The following BPIFC variants were observed in gnomAD, a reference collection of about 807,000 sequenced individuals.
BPIFC encodes the protein BPI fold containing family C.
A neutral mutation model predicts 57.6 loss-of-function variants in BPIFC; 60 were observed. That is an observed-to-expected ratio of 1.04 (90% CI 0.85 to 1.29). The LOEUF (loss-of-function observed/expected upper bound fraction) is 1.29. Among genes scored for constraint, BPIFC ranks in the 50% most tolerant of loss-of-function variants. The pLI, the probability that BPIFC is intolerant of heterozygous loss-of-function variation, is 0.00. For missense variants in BPIFC, 581 were observed against 600.5 expected, an observed-to-expected ratio of 0.97 and a Z score of 0.34; for synonymous variants, 243 against 224.5, an observed-to-expected ratio of 1.08 and a Z score of -0.74.
intron 2 of BPIFC, among the ~76,000 whole-genome samples, chr22:32,459,714 G>A (rs1489042095): frequency 6.6e-6 from 1 of 151,758 alleles, no homozygotes; most frequent in East Asian, 1.9e-4. Context: ...AGCTGAGGAT[G>A]GTGGTACACA....
At chr22:32,441,369 T>C (rs1445185408) in intron 8 of BPIFC, among the ~76,000 whole-genome samples, 3 of 152,184 alleles carry the variant, frequency 2.0e-5, no homozygotes, top group Non-Finnish European at 4.4e-5. Context: ...ATTTTACTTG[T>C]TTATCTTGCT....
At chr22:32,454,184 G>A (rs1412109751) in intron 3 of BPIFC, among the ~76,000 whole-genome samples, 1 of 152,084 alleles carries the variant, frequency 6.6e-6, no homozygotes, top group Non-Finnish European at 1.5e-5. Context: ...CAGACACTTC[G>A]GCTCCAGAAT....
chr22:32,453,942 C>A (rs9609558), intron 3 of BPIFC, among the ~76,000 whole-genome samples: 24,717 of 145,604 alleles, frequency 0.17, 2,094 homozygotes, highest in Non-Finnish European at 0.21. Context: ...ACAACAACAA[C>A]AAAAAAAAAA....
intron 2 of BPIFC, among the ~76,000 whole-genome samples, chr22:32,460,913 T>C (rs1935146360): frequency 6.6e-6 from 1 of 152,210 alleles, no homozygotes; most frequent in Admixed American, 6.5e-5. Flanking sequence ...TAAGTGTTGG[T>C]AGAATGAATC....
At position 32,441,947 on chromosome 22, in the gene BPIFC, G is replaced by GT. The variant is rs531478361; in HGVS notation, c.655+723dup. 1.5e-3 allele frequency among the ~76,000 whole-genome samples: 224 copies of GT among 152,262 alleles called. 1 individual carries two copies. Among genetic ancestry groups the GT allele is most frequent in the African/African-American group, 4.9e-3 (205 of 41,538 alleles). On this transcript the variant is annotated intron_variant, in intron 8 of 16. Coordinates refer to ENST00000300399, the MANE Select transcript of BPIFC (RefSeq NM_174932.3). ...CCTCGCATGCACGGTTCACAATAGG[G>GT]TTCGCACTCCTATGAGAATCTAATG... is the stretch of plus-strand genomic sequence containing the variant.
At chr22:32,458,875 T>C (rs1456179312) in intron 2 of BPIFC, among the ~76,000 whole-genome samples, 1 of 152,216 alleles carries the variant, frequency 6.6e-6, no homozygotes, top group African/African-American at 2.4e-5. Context: ...ATAAACATTC[T>C]CTGCAAAGAG....
intron 13 of BPIFC, among the ~76,000 whole-genome samples, chr22:32,425,323 T>C (rs942375636): frequency 6.6e-6 from 1 of 152,172 alleles, no homozygotes; most frequent in Admixed American, 6.5e-5. Context: ...TGCCAGGCCC[T>C]GGAGACACAG....
At chr22:32,418,832 G>C (rs564769517) in intron 14 of BPIFC, among the ~76,000 whole-genome samples, 13 of 152,024 alleles carry the variant, frequency 8.6e-5, no homozygotes, top group Non-Finnish European at 1.6e-4. Flanking sequence ...AAGCTTGAGG[G>C]AAGGGGGATT....
At chr22:32,451,665 G>A (rs5754094) in intron 4 of BPIFC, among the ~76,000 whole-genome samples, 45,143 of 151,612 alleles carry the variant, frequency 0.3, 7,150 homozygotes, top group East Asian at 0.57. Flanking sequence ...CCTGCACGTC[G>A]TGCACATGTA....
Position 32,445,713 on chromosome 22 carries a change from GAAAAA to G in BPIFC, c.531-20_531-16del, listed in dbSNP as rs61507713. On this transcript the variant is annotated splice_polypyrimidine_tract_variant and intron_variant, in intron 6 of 16. Transcript: ENST00000300399. ...TATACAGAACACTGAGGAAAAAAAT[GAAAAA>G]AAAAAAAAAAAAAAAAAGAGGTTAC... The G allele has an allele frequency of 2.7e-4, 189 of 711,208 alleles. 2 individuals carry two copies. Among genetic ancestry groups the G allele is most frequent in the Admixed American group, 1.9e-3 (37 of 19,650 alleles). The allele number at this position is 711,208 out of a possible 1,614,324, so 44.1% of individuals were successfully genotyped here.
Position 32,423,545 on chromosome 22 carries a change from G to C in BPIFC, c.1218-4141C>G, listed in dbSNP as rs139159921. Among the ~76,000 whole-genome samples the C allele has an allele frequency of 1.5e-4, 22 of 150,138 alleles. 1 individual carries two copies. In the Middle Eastern group the frequency reaches 0.017, roughly 117 times the overall value. ...TAGTCAGCTATATTTGCATTCTCTC[G>C]CTATGTTGCTTGGGAGGAGTTGTAG... On this transcript the variant is annotated intron_variant, in intron 13 of 16. Coordinates refer to ENST00000300399, the MANE Select transcript of BPIFC (RefSeq NM_174932.3).
Position 32,432,531 on chromosome 22 carries a change from A to G in BPIFC, c.991T>C (p.Tyr331His), listed in dbSNP as rs1934278723. 3 of 1,614,086 alleles carry G rather than the reference A, an allele frequency of 1.9e-6. No individual in the cohort carries two copies. Among genetic ancestry groups the G allele is most frequent in the African/African-American group, 2.7e-5 (2 of 75,042 alleles). The change falls in exon 12 of 17, where the codon TAC (tyrosine) becomes CAC (histidine). Residue 331 changes from tyrosine to histidine, a missense_variant. By Grantham distance (83) the Tyr-to-His change is moderately conservative. Coordinates refer to ENST00000300399, the MANE Select transcript of BPIFC (RefSeq NM_174932.3). ...ACCATGAAGGGCTGGGACAAGATGT[A>G]GATCTCTGCAATCTGCCCACATTCC... ...GNVLSRIAEI[Y>H]ILSQPFMVRI...
At chr22:32,457,537 C>T (rs1215061610) in intron 2 of BPIFC, 151 bp from the exon 3 acceptor site, 2 of 855,874 alleles carry the variant, frequency 2.3e-6, no homozygotes, top group Non-Finnish European at 3.5e-6. Flanking sequence ...ATCCATCCAT[C>T]CATCCATCCA....
chr22:32,461,651 G>C lies in BPIFC; in HGVS notation c.-78C>G, dbSNP rs539600320. ...ATCCTTTAGTTGCCCTTGGAGGTTA[G>C]TCAAGGTGTCCTGGAAAGGGGGATA... On this transcript the variant is annotated 5_prime_UTR_variant, in exon 2 of 17. Transcript: ENST00000300399. 210 of 985,502 alleles carry C rather than the reference G, an allele frequency of 2.1e-4. No individual in the cohort carries two copies. Among genetic ancestry groups the C allele is most frequent in the Non-Finnish European group, 2.4e-4 (200 of 829,982 alleles). The allele number at this position is 985,502 out of a possible 1,614,324, so 61.0% of individuals were successfully genotyped here.
At chr22:32,455,985 G>A (rs951676818) in intron 3 of BPIFC, among the ~76,000 whole-genome samples, 3 of 152,184 alleles carry the variant, frequency 2.0e-5, no homozygotes, top group Non-Finnish European at 4.4e-5. Context: ...TAGGTAGGTA[G>A]GCACCATTTT....
chr22:32,447,097 T>C, intron 5 of BPIFC, 115 bp downstream of exon 5: 2 of 1,347,874 alleles, frequency 1.5e-6, no homozygotes, highest in Admixed American at 2.7e-5. Context: ...TTGAGAAAGA[T>C]TGTTAATAAT....
intron 9 of BPIFC, 133 bp downstream of exon 9, chr22:32,437,627 G>A: frequency 1.6e-6 from 1 of 616,540 alleles, no homozygotes; most frequent in Non-Finnish European, 2.8e-6. Flanking sequence ...CTGGCCTCAA[G>A]TGATCCACCT....
At chr22:32,452,315 C>T (rs1172312816) in intron 4 of BPIFC, among the ~76,000 whole-genome samples, 1 of 152,186 alleles carries the variant, frequency 6.6e-6, no homozygotes, top group Non-Finnish European at 1.5e-5. Flanking sequence ...TTCCCTAAGT[C>T]ACCATCTCTC....
chr22:32,425,608 T>G (rs1934044527), intron 13 of BPIFC, among the ~76,000 whole-genome samples: 1 of 152,144 alleles, frequency 6.6e-6, no homozygotes, highest in African/African-American at 2.4e-5. Context: ...AGTCTTTTTT[T>G]GGTACAGTTC....
Sources: gnomAD v4.1 joint callset for allele counts (sites outside exome capture counted in the v4.1 genomes callset) on GRCh38, gnomAD v4.1.1 for gene constraint, MANE v1.5 for transcripts, NCBI Gene and HGNC (gene_info 2026-07-23, HGNC 2026-07-21) for gene names.